The following RMDN2 variants were observed in gnomAD, a reference collection of about 807,000 sequenced individuals.
RMDN2 encodes regulator of microtubule dynamics protein 2.
RMDN2 carries 61 observed loss-of-function variants against 52.8 expected under a neutral mutation model. The observed-to-expected ratio is 1.16, with a 90% CI of 0.94 to 1.43. The LOEUF (loss-of-function observed/expected upper bound fraction) is 1.43, where lower values mean the gene tolerates loss of function less well. Among genes scored for constraint, RMDN2 ranks in the 40% most tolerant of loss-of-function variants. The pLI is 0.00. For missense variants in RMDN2, 592 were observed against 475.3 expected, an observed-to-expected ratio of 1.25 and a Z score of -2.28; for synonymous variants, 180 against 153.1, an observed-to-expected ratio of 1.18 and a Z score of -1.30.
intron 2 of RMDN2, among the ~76,000 whole-genome samples, chr2:37,962,897 C>G (rs929263153): frequency 6.6e-6 from 1 of 152,234 alleles, no homozygotes; most frequent in Non-Finnish European, 1.5e-5. Context: ...AGCATCTGGG[C>G]TAGATAGCAC....
intron 10 of RMDN2, among the ~76,000 whole-genome samples, chr2:38,005,089 A>C (rs570977857): frequency 6.6e-6 from 1 of 152,226 alleles, no homozygotes; most frequent in African/African-American, 2.4e-5. Flanking sequence ...TTCTTAATCC[A>C]GTCTATCATT....
chr2:37,983,642 T>G (rs1673616014), intron 5 of RMDN2, among the ~76,000 whole-genome samples: 1 of 152,186 alleles, frequency 6.6e-6, no homozygotes, highest in African/African-American at 2.4e-5. Flanking sequence ...TTAAATTAAA[T>G]AGTAGATGTT....
At chr2:37,991,862 G>A (rs1483810751) in intron 7 of RMDN2, among the ~76,000 whole-genome samples, 1 of 152,174 alleles carries the variant, frequency 6.6e-6, no homozygotes, top group Non-Finnish European at 1.5e-5. Flanking sequence ...GCTGGTCCGT[G>A]TCTTAAATGA....
chr2:38,036,744 A>T (rs903071723), intron 10 of RMDN2: 12 of 152,278 alleles, frequency 7.9e-5, no homozygotes, highest in African/African-American at 2.9e-4. Context: ...TACCAGTCTG[A>T]TGATAACACA....
In RMDN2 at chr2:37,942,809, A is replaced by G. The variant is rs147215440; in HGVS notation, c.452+13080A>G. ...CTACTCTGTGGCAGGCACTGTCTGA[A>G]CTCTGGAGATCTAGCAGGGAACAAA... On this transcript the variant is annotated intron_variant, in intron 2 of 10. Coordinates refer to ENST00000354545, the MANE Select transcript of RMDN2 (RefSeq NM_001170791.3). Among the ~76,000 whole-genome samples, 20 of 152,296 alleles carry G rather than the reference A, an allele frequency of 1.3e-4. No homozygotes were observed. The East Asian group carries it at 3.9e-3, about 29-fold the overall frequency.
intron 8 of RMDN2, among the ~76,000 whole-genome samples, chr2:38,003,302 C>G (rs952924267): frequency 6.6e-6 from 1 of 152,074 alleles, no homozygotes; most frequent in African/African-American, 2.4e-5. Context: ...CCTGTAATCC[C>G]AGCACTTTGG....
chr2:37,995,246 A>G (rs1343557025), intron 7 of RMDN2, among the ~76,000 whole-genome samples: 1 of 152,094 alleles, frequency 6.6e-6, no homozygotes, highest in Non-Finnish European at 1.5e-5. Flanking sequence ...AATAAATAAT[A>G]ATCAAACTAA....
intron 2 of RMDN2, among the ~76,000 whole-genome samples, chr2:37,963,515 G>A (rs1670569815): frequency 6.6e-6 from 1 of 151,978 alleles, no homozygotes; most frequent in South Asian, 2.1e-4. Flanking sequence ...GAGTGGTGAT[G>A]ACTCTTAATG....
chr2:37,947,522 C>T (rs1401839655), intron 2 of RMDN2, among the ~76,000 whole-genome samples: 1 of 152,094 alleles, frequency 6.6e-6, no homozygotes, highest in African/African-American at 2.4e-5. Flanking sequence ...AAACTACAAA[C>T]AGGGAACTTA....
At chr2:37,982,634 T>A (rs1415710257) in intron 5 of RMDN2, among the ~76,000 whole-genome samples, 1 of 152,190 alleles carries the variant, frequency 6.6e-6, no homozygotes, top group African/African-American at 2.4e-5. Context: ...TAGTAGAGAA[T>A]CTTGCTTTAG....
chr2:37,928,019 T>A (rs1234372560), intron 1 of RMDN2, among the ~76,000 whole-genome samples: 3 of 152,154 alleles, frequency 2.0e-5, no homozygotes, highest in African/African-American at 7.2e-5. Context: ...CAGGCCAGAT[T>A]AAGTACCAAG....
chr2:38,033,541 G>A, intron 10 of RMDN2, among the ~76,000 whole-genome samples: 1 of 152,170 alleles, frequency 6.6e-6, no homozygotes, highest in East Asian at 1.9e-4. Context: ...CACCATCTAT[G>A]TTTCTTACAT....
In RMDN2 at chr2:37,991,085, A is replaced by G. The variant is rs188165142; in HGVS notation, c.868-135A>G. On this transcript the variant is annotated intron_variant, in intron 6 of 10. Transcript: ENST00000354545. The stretch of plus-strand genomic sequence containing the variant: ...GTAATTTAGTTATTGATAAGATTTC[A>G]TTGTATTAATGATAGGGATGGGGAG... 145 of 417,454 alleles carry G rather than the reference A, an allele frequency of 3.5e-4. 1 individual carries two copies. The East Asian group carries it at 4.8e-3, about 14-fold the overall frequency. 25.9% of individuals were successfully genotyped at this position (417,454 alleles called of 1,614,324 possible). A position where few individuals can be genotyped will look rare whatever the true frequency, so the allele number is the denominator to read the frequency against.
chr2:38,048,196 A>T (rs1305348734), intron 10 of RMDN2, among the ~76,000 whole-genome samples: 1 of 152,210 alleles, frequency 6.6e-6, no homozygotes, highest in Non-Finnish European at 1.5e-5. Flanking sequence ...CCTGTCTGGG[A>T]CTTCTGTATG....
chr2:38,039,890 C>A (rs1680846390), intron 10 of RMDN2, among the ~76,000 whole-genome samples: 1 of 152,146 alleles, frequency 6.6e-6, no homozygotes, highest in Admixed American at 6.5e-5. Context: ...ACACTGTGTG[C>A]CCTACCTGCC....
chr2:37,946,586 A>C (rs1042546170), intron 2 of RMDN2, among the ~76,000 whole-genome samples: 5 of 152,198 alleles, frequency 3.3e-5, no homozygotes, highest in African/African-American at 1.2e-4. Context: ...GAAGGAAGAA[A>C]GTTTGGAAGA....
intron 10 of RMDN2, among the ~76,000 whole-genome samples, chr2:38,032,425 G>T (rs1378737704): frequency 6.6e-6 from 1 of 152,216 alleles, no homozygotes; most frequent in Non-Finnish European, 1.5e-5. Context: ...TATATCAATA[G>T]TTCATTCCAT....
Position 38,028,347 on chromosome 2 carries a change from C to A in RMDN2, c.1713+24131C>A, listed in dbSNP as rs540651686. 2.0e-5 allele frequency among the ~76,000 whole-genome samples: 3 copies of A among 152,274 alleles called. No individual in the cohort carries two copies. The South Asian group carries it at 6.2e-4, about 32-fold the overall frequency. On this transcript the variant is annotated intron_variant, in intron 10 of 10. Transcript: ENST00000234195. ...ATAACATTTTATTATTATTTATTGA[C>A]TGCATAGTACATCTAGAATACTTTC... is the stretch of plus-strand genomic sequence containing the variant.
At chr2:38,050,107 C>T (rs1375638582) in intron 10 of RMDN2, among the ~76,000 whole-genome samples, 1 of 152,156 alleles carries the variant, frequency 6.6e-6, no homozygotes, top group African/African-American at 2.4e-5. Context: ...CAAATTCCCA[C>T]ATTTCTACAA....
Sources: gnomAD v4.1 joint callset for allele counts (sites outside exome capture counted in the v4.1 genomes callset) on GRCh38, gnomAD v4.1.1 for gene constraint, MANE v1.5 for transcripts, NCBI Gene and HGNC (gene_info 2026-07-23, HGNC 2026-07-21) for gene names.